LIPA: variants seen among roughly 807,000 people sequenced by gnomAD.
LIPA encodes the protein lysosomal acid lipase/cholesteryl ester hydrolase.
A neutral mutation model predicts 40.6 loss-of-function variants in LIPA; 26 were observed. The ratio of observed to expected loss-of-function variants is 0.64; its 90% confidence interval spans 0.47 to 0.89. The LOEUF is 0.89. LIPA is among the 40% of genes least tolerant of loss of function. LIPA has a pLI of 0.00. For missense variants in LIPA, 455 were observed against 479.6 expected (o/e 0.95, Z 0.48); for synonymous variants, 188 against 168.4 (o/e 1.12, Z -0.90).
rs138084682 is a variant in LIPA at position 89,246,131 on chromosome 10, A to G, written c.112-338T>C. Among the ~76,000 whole-genome samples the G allele has an allele frequency of 1.2e-3, 179 of 152,256 alleles. 1 individual carries two copies. The highest frequency in any genetic ancestry group is 4.0e-3 in the African/African-American group (166 of 41,552). On this transcript the variant is annotated intron_variant, in intron 2 of 9. Transcript: ENST00000336233. ...ATAAATGCTCATTTCTTTCTTTTCT[A>G]AATATCCCAGCTAGAACTGTCAATG...
intron 1 of LIPA, among the ~76,000 whole-genome samples, chr10:89,309,564 G>A (rs931503655): frequency 1.3e-5 from 2 of 152,138 alleles, no homozygotes; most frequent in African/African-American, 4.8e-5. Flanking sequence ...AAAATGGACA[G>A]GTATGCCGAC....
At chr10:89,252,465 GTGA>G (rs74863780), upstream of LIPA, among the ~76,000 whole-genome samples, 38,437 of 151,930 alleles carry the variant, frequency 0.25, 5,524 homozygotes, top group South Asian at 0.41. Flanking sequence ...ACATGAGGTG[GTGA>G]TAAGTGCTAT....
intron 1 of LIPA, among the ~76,000 whole-genome samples, chr10:89,413,821 T>C (rs926292081): frequency 6.6e-6 from 1 of 151,702 alleles, no homozygotes; most frequent in Non-Finnish European, 1.5e-5. Flanking sequence ...GACAGGATAT[T>C]GAGGTTTTGA....
At chr10:89,328,028 G>T in intron 1 of LIPA, 1 of 1,612,618 alleles carries the variant, frequency 6.2e-7, no homozygotes, top group South Asian at 1.1e-5. Flanking sequence ...GAACAAATCA[G>T]CCTGGTCACC....
chr10:89,217,342 G>T (rs372087978), intron 8 of LIPA, among the ~76,000 whole-genome samples: 1 of 152,188 alleles, frequency 6.6e-6, no homozygotes, highest in Non-Finnish European at 1.5e-5. Flanking sequence ...TGTTTTTGCC[G>T]TTGCAAATGA....
chr10:89,384,766 G>A, intron 2 of LIPA: 1 of 1,502,896 alleles, frequency 6.7e-7, no homozygotes, highest in Non-Finnish European at 9.1e-7. Context: ...TCCATTTAAT[G>A]GTCTTATAAC....
At chr10:89,306,509 C>A in intron 1 of LIPA, 1 of 1,614,110 alleles carries the variant, frequency 6.2e-7, no homozygotes, top group South Asian at 1.1e-5. Context: ...AAGCTACCGT[C>A]TGGACAACTG....
In LIPA at chr10:89,312,604, C is replaced by T. The variant is rs190462133; in HGVS notation, c.-2+30007G>A. 9.2e-5 allele frequency among the ~76,000 whole-genome samples: 14 copies of T among 151,820 alleles called. No homozygotes were observed. The East Asian group carries it at 1.6e-3, about 17-fold the overall frequency. On this transcript the variant is annotated intron_variant, in intron 1 of 5. Transcript: ENST00000282673. Reference sequence around the variant, plus strand: ...CGGGCGGATCACGAGGTCAGGAGATCGAGACCCTCCTGGCTAACACGGTGA... The same window carrying T: ...CGGGCGGATCACGAGGTCAGGAGATTGAGACCCTCCTGGCTAACACGGTGA...
At chr10:89,403,406 G>A (rs1472991339) in intron 2 of LIPA, 4 of 1,613,862 alleles carry the variant, frequency 2.5e-6, no homozygotes, top group Non-Finnish European at 3.4e-6. Flanking sequence ...AAGAAACAAT[G>A]CAAGACATAC....
chr10:89,239,293 G>GT (rs1176773935), intron 3 of LIPA, among the ~76,000 whole-genome samples: 3 of 152,218 alleles, frequency 2.0e-5, no homozygotes, highest in South Asian at 2.1e-4. Flanking sequence ...GTCACGGGCT[G>GT]TGTGACTCCT....
In LIPA at chr10:89,362,547, G is replaced by A. The variant is rs559947768; in HGVS notation, c.61+50244C>T. On this transcript the variant is annotated intron_variant, in intron 2 of 8. Coordinates refer to the LIPA transcript ENST00000371837. ...GAACACACCAACCAAGCAGACATGA[G>A]TGACCAGTATCATCACATGGGCAGG... is the stretch of plus-strand genomic sequence containing the variant. 5.4e-5 allele frequency: 16 copies of A among 297,144 alleles called. No individual in the cohort carries two copies. The Admixed American group carries it at 6.0e-4, about 11-fold the overall frequency. 18.4% of individuals were successfully genotyped at this position (297,144 alleles called of 1,614,324 possible).
At chr10:89,248,924 A>G (rs1843075469) in intron 1 of LIPA, among the ~76,000 whole-genome samples, 1 of 152,238 alleles carries the variant, frequency 6.6e-6, no homozygotes, top group Non-Finnish European at 1.5e-5. Context: ...GGCAAGACTT[A>G]GAAGAGGATA....
chr10:89,318,675 A>G (rs1843554996), intron 1 of LIPA, among the ~76,000 whole-genome samples: 2 of 152,232 alleles, frequency 1.3e-5, no homozygotes, highest in Admixed American at 1.3e-4. Flanking sequence ...GTTAACAAGG[A>G]TATCCAGGAG....
At chr10:89,292,328 T>A (rs1464871089) in intron 1 of LIPA, 1 of 152,214 alleles carries the variant, frequency 6.6e-6, no homozygotes, top group Non-Finnish European at 1.5e-5. Context: ...ATTTGTCTTC[T>A]TCTGGAGTAG....
chr10:89,319,513 A>G (rs547825835), intron 1 of LIPA, among the ~76,000 whole-genome samples: 1 of 152,336 alleles, frequency 6.6e-6, no homozygotes, highest in African/African-American at 2.4e-5. Flanking sequence ...CTAAACCAGG[A>G]AGAAGTTGAA....
intron 1 of LIPA, among the ~76,000 whole-genome samples, chr10:89,291,550 T>C (rs1843375019): frequency 6.6e-6 from 1 of 152,130 alleles, no homozygotes; most frequent in Non-Finnish European, 1.5e-5. Flanking sequence ...ACTAGCCTTT[T>C]GATTTTTTTT....
chr10:89,267,129 C>T (rs1280231811), intron 1 of LIPA, among the ~76,000 whole-genome samples: 2 of 152,198 alleles, frequency 1.3e-5, no homozygotes, highest in Non-Finnish European at 2.9e-5. Flanking sequence ...TACTCAGTGT[C>T]AGCTTTATGA....
intron 2 of LIPA, among the ~76,000 whole-genome samples, chr10:89,388,382 A>G (rs1844223718): frequency 6.6e-6 from 1 of 152,234 alleles, no homozygotes; most frequent in East Asian, 1.9e-4. Flanking sequence ...CTGGGATTAC[A>G]GGTGTGAATC....
At chr10:89,396,429 G>C (rs920510782) in intron 2 of LIPA, among the ~76,000 whole-genome samples, 1 of 152,174 alleles carries the variant, frequency 6.6e-6, no homozygotes, top group Non-Finnish European at 1.5e-5. Flanking sequence ...AAAACACACT[G>C]GAGAAGGTCA....
Sources: gnomAD v4.1 joint callset for allele counts (sites outside exome capture counted in the v4.1 genomes callset) on GRCh38, gnomAD v4.1.1 for gene constraint, MANE v1.5 for transcripts, NCBI Gene and HGNC (gene_info 2026-07-23, HGNC 2026-07-21) for gene names.